Variants in GRM5 observed in about 807,000 individuals in gnomAD.
GRM5 encodes metabotropic glutamate receptor 5.
Under a neutral mutation model 83.1 loss-of-function variants are expected in GRM5, and 19 were observed. The observed-to-expected ratio is 0.23, with a 90% CI of 0.16 to 0.34. The LOEUF (loss-of-function observed/expected upper bound fraction) is 0.34, where lower values mean the gene tolerates loss of function less well. GRM5 is among the 10% of genes least tolerant of loss of function. GRM5 has a pLI of 1.00. For synonymous variants in GRM5, 675 were observed against 633.6 expected (o/e 1.07, Z -0.98); for missense variants, 1,160 against 1,588.3 (o/e 0.73, Z 4.58).
chr11:88,788,226 A>C (rs1314713002), intron 3 of GRM5, among the ~76,000 whole-genome samples: 1 of 152,204 alleles, frequency 6.6e-6, no homozygotes, highest in Non-Finnish European at 1.5e-5. Flanking sequence ...CTTCATTTTG[A>C]AAATAGACCT....
chr11:89,000,409 C>T (rs1940339514), intron 2 of GRM5, among the ~76,000 whole-genome samples: 1 of 152,010 alleles, frequency 6.6e-6, no homozygotes, highest in Non-Finnish European at 1.5e-5. Context: ...GAAACAAAAC[C>T]ACATAAATAT....
chr11:88,996,951 T>C (rs1210401091), intron 2 of GRM5, among the ~76,000 whole-genome samples: 1 of 152,196 alleles, frequency 6.6e-6, no homozygotes, highest in Non-Finnish European at 1.5e-5. Context: ...TGAACTAAGT[T>C]GACAATATAA....
chr11:88,702,055 T>C (rs1000686175), intron 3 of GRM5, among the ~76,000 whole-genome samples: 2 of 152,102 alleles, frequency 1.3e-5, no homozygotes, highest in African/African-American at 4.8e-5. Flanking sequence ...CCCTTCCTAT[T>C]ATGGTAGGGA....
intron 8 of GRM5, among the ~76,000 whole-genome samples, chr11:88,537,163 G>A (rs189309050): frequency 0.013 from 1,979 of 152,214 alleles, 71 homozygotes; most frequent in Non-Finnish European, 0.013. Flanking sequence ...TGAAAAGGTC[G>A]TACATGAAGT....
At chr11:88,561,270 G>A (rs559286264) in intron 8 of GRM5, among the ~76,000 whole-genome samples, 1 of 152,264 alleles carries the variant, frequency 6.6e-6, no homozygotes, top group African/African-American at 2.4e-5. Context: ...GTGGGCCCTC[G>A]TGACAATGCT....
intron 3 of GRM5, among the ~76,000 whole-genome samples, chr11:88,776,372 A>T (rs1224115304): frequency 6.6e-6 from 1 of 152,100 alleles, no homozygotes; most frequent in African/African-American, 2.4e-5. Flanking sequence ...CAGCACACTG[A>T]TGGGTCTTGA....
intron 2 of GRM5, among the ~76,000 whole-genome samples, chr11:89,027,865 C>T (rs1189817602): frequency 6.6e-6 from 1 of 152,154 alleles, no homozygotes; most frequent in African/African-American, 2.4e-5. Context: ...TTGAAATTTG[C>T]CCTTGTGGTG....
At chr11:88,679,837 C>A (rs568887975) in intron 3 of GRM5, among the ~76,000 whole-genome samples, 41 of 152,200 alleles carry the variant, frequency 2.7e-4, no homozygotes, top group African/African-American at 8.7e-4. Flanking sequence ...CTCAACAAAT[C>A]GATTTTAAAT....
intron 8 of GRM5, among the ~76,000 whole-genome samples, chr11:88,540,817 GCTCACTGTAAGCT>G: frequency 6.6e-6 from 1 of 151,944 alleles, no homozygotes; most frequent in Admixed American, 6.6e-5. Flanking sequence ...CGTGATCTCA[GCTCACTGTAAGCT>G]CTGCCTCCTG....
At chr11:88,536,254 G>A (rs145173573) in intron 8 of GRM5, among the ~76,000 whole-genome samples, 40 of 152,030 alleles carry the variant, frequency 2.6e-4, no homozygotes, top group Non-Finnish European at 2.2e-4. Context: ...TATCTTTTGT[G>A]TAATTTGAAT....
intron 2 of GRM5, among the ~76,000 whole-genome samples, chr11:88,936,925 G>A (rs1937919906): frequency 6.6e-6 from 1 of 151,704 alleles, no homozygotes. Context: ...TGGTATTTTA[G>A]GCTTAGCTGT....
intron 2 of GRM5, among the ~76,000 whole-genome samples, chr11:88,935,526 C>A (rs1306028749): frequency 1.3e-5 from 2 of 151,780 alleles, no homozygotes; most frequent in African/African-American, 4.8e-5. Context: ...TTAATATGAG[C>A]AACTGTGATT....
chr11:88,837,312 C>T (rs573918367), intron 3 of GRM5, among the ~76,000 whole-genome samples: 3 of 152,268 alleles, frequency 2.0e-5, no homozygotes, highest in South Asian at 4.1e-4. Context: ...TCCTCACTGC[C>T]ATTTACTGCC....
At chr11:88,865,912 A>G (rs542555224) in intron 2 of GRM5, among the ~76,000 whole-genome samples, 1 of 152,006 alleles carries the variant, frequency 6.6e-6, no homozygotes, top group Admixed American at 6.6e-5. Context: ...AAACAACAGA[A>G]GCTGGAGAGG....
chr11:88,604,688 A>C, intron 5 of GRM5, 30 bp downstream of exon 5: 1 of 1,564,778 alleles, frequency 6.4e-7, no homozygotes, highest in Non-Finnish European at 8.8e-7. Context: ...TTCAGTCTCT[A>C]CTCTGCAGAG....
At chr11:88,776,551 T>A (rs7924618) in intron 3 of GRM5, among the ~76,000 whole-genome samples, 75,373 of 152,136 alleles carry the variant, frequency 0.5, 22,624 homozygotes, top group Non-Finnish European at 0.7. Context: ...CTTTACAATT[T>A]GGCACATTTT....
chr11:89,012,066 A>T (rs1007926218), intron 2 of GRM5, among the ~76,000 whole-genome samples: 3 of 152,192 alleles, frequency 2.0e-5, no homozygotes, highest in East Asian at 1.9e-4. Flanking sequence ...ATGATCAAAA[A>T]ATTACAATGA....
chr11:88,954,369 T>TGA (rs1938546313), intron 2 of GRM5, among the ~76,000 whole-genome samples: 1 of 151,874 alleles, frequency 6.6e-6, no homozygotes, highest in African/African-American at 2.4e-5. Flanking sequence ...GAGAGAATGC[T>TGA]AAAGTGTTTT....
chr11:89,036,005 C>T (rs1290726174), intron 2 of GRM5, among the ~76,000 whole-genome samples: 1 of 152,008 alleles, frequency 6.6e-6, no homozygotes, highest in East Asian at 1.9e-4. Flanking sequence ...CTATCTACTG[C>T]TTGTACCTAT....
Sources: allele counts gnomAD v4.1 joint callset (sites outside exome capture counted in the v4.1 genomes callset), GRCh38; gene constraint gnomAD v4.1.1; transcripts MANE v1.5; gene names NCBI Gene and HGNC (gene_info 2026-07-23, HGNC 2026-07-21).